The following PTCD2 variants were observed in gnomAD, a reference collection of about 807,000 sequenced individuals.
The protein encoded by PTCD2 is pentatricopeptide repeat-containing protein 2, mitochondrial.
A neutral mutation model predicts 42.6 loss-of-function variants in PTCD2; 31 were observed. That is an observed-to-expected ratio of 0.73 (90% CI 0.55 to 0.98). The LOEUF (loss-of-function observed/expected upper bound fraction) is 0.98. PTCD2 is among the 50% of genes least tolerant of loss of function. The pLI is 0.00. For synonymous variants in PTCD2, 183 were observed against 170.9 expected (o/e 1.07, Z -0.55); for missense variants, 476 against 454.8 (o/e 1.05, Z -0.42).
chr5:72,348,347 G>T (rs533432114), intron 8 of PTCD2, among the ~76,000 whole-genome samples: 1 of 152,294 alleles, frequency 6.6e-6, no homozygotes, highest in East Asian at 1.9e-4. Context: ...AGAAATCAAT[G>T]AAACTTTTTT....
At chr5:72,320,619 G>T in intron 1 of PTCD2, 110 bp downstream of exon 1, 11 of 1,487,478 alleles carry the variant, frequency 7.4e-6, no homozygotes, top group Non-Finnish European at 1.0e-5. Flanking sequence ...TCACTCACTG[G>T]CCTGGAGCGC....
rs1285229849 is a variant in PTCD2 at position 72,352,653 on chromosome 5, A to G, written c.841A>G (p.Ile281Val). ...TCTTAATATTCAGATTATAATCCAT[A>G]TCCAGTCAAATATGTTGGAAAACCT... ...ACINLNIIIH[I>V]QSNMLENLIK... The change falls in exon 9 of 10, where the codon ATC (isoleucine) becomes GTC (valine). Residue 281 changes from isoleucine (I) to valine (V), a missense_variant. By Grantham distance (29) the Ile-to-Val change is conservative. Transcript: ENST00000380639. 1 of 1,530,580 alleles carries G rather than the reference A, an allele frequency of 6.5e-7. No individual in the cohort carries two copies. Among genetic ancestry groups the G allele is most frequent in the South Asian group, 1.1e-5 (1 of 88,980 alleles). The allele number at this position is 1,530,580 out of a possible 1,614,324, so 94.8% of individuals were successfully genotyped here.
intron 8 of PTCD2, among the ~76,000 whole-genome samples, chr5:72,345,275 G>A (rs543471486): frequency 5.9e-5 from 9 of 152,224 alleles, no homozygotes; most frequent in South Asian, 4.1e-4. Flanking sequence ...GCTGTGTTCC[G>A]CCCAGCTCAC....
chr5:72,325,125 G>A (rs1273728465), intron 2 of PTCD2, among the ~76,000 whole-genome samples: 1 of 152,098 alleles, frequency 6.6e-6, no homozygotes, highest in Admixed American at 6.5e-5. Flanking sequence ...GTTTCACCAT[G>A]GTGGCGAGGC....
intron 8 of PTCD2, 42 bp from the exon 9 acceptor site, chr5:72,352,599 C>G (rs746192233): frequency 1.1e-6 from 1 of 943,554 alleles, no homozygotes; most frequent in Non-Finnish European, 1.7e-6. Flanking sequence ...CATTGAGACA[C>G]TCACTCAGTC....
rs573734294 is a variant in PTCD2, at chr5:72,354,021, A to G, written c.942+1267A>G. Among the ~76,000 whole-genome samples the G allele has an allele frequency of 7.2e-5, 11 of 152,248 alleles. No homozygotes were observed. The South Asian group carries it at 2.3e-3, about 32-fold the overall frequency. On this transcript the variant is annotated intron_variant, in intron 9 of 9. Transcript: ENST00000380639. ...TAAAAATGTTAAAACCTGTTTTTTC[A>G]TGTGGCAAAAAGTCTACAAGCAAAG... is the stretch of plus-strand genomic sequence containing the variant.
chr5:72,351,561 A>G (rs1369967349), intron 8 of PTCD2, among the ~76,000 whole-genome samples: 1 of 152,218 alleles, frequency 6.6e-6, no homozygotes, highest in African/African-American at 2.4e-5. Flanking sequence ...ATTGACTCAC[A>G]GTATCACATG....
In PTCD2 at chr5:72,362,427, T is replaced by G. The variant is rs560258330; in HGVS notation, c.*4000T>G. 1.1e-4 allele frequency: 16 copies of G among 152,336 alleles called. No homozygotes were observed. The highest frequency in any genetic ancestry group is 3.8e-4 in the African/African-American group (16 of 41,576). The allele number at this position is 152,336 out of a possible 1,614,324, so 9.4% of individuals were successfully genotyped here. A position where few individuals can be genotyped will look rare whatever the true frequency, so the allele number is the denominator to read the frequency against. On this transcript the variant is annotated 3_prime_UTR_variant, in exon 10 of 10. Transcript: ENST00000380639. ...TCTTGGATTTCCCAGCCTTCAGAAC[T>G]GTGAGAAATATATTTCTGTTATTTA...
chr5:72,329,378 G>A (rs1026332245), intron 3 of PTCD2, among the ~76,000 whole-genome samples: 34 of 152,188 alleles, frequency 2.2e-4, no homozygotes, highest in African/African-American at 7.5e-4. Context: ...AAAATGGGGA[G>A]CATCTTAATA....
At chr5:72,350,625 C>A (rs893444466) in intron 8 of PTCD2, among the ~76,000 whole-genome samples, 1 of 152,132 alleles carries the variant, frequency 6.6e-6, no homozygotes, top group Non-Finnish European at 1.5e-5. Context: ...AGGGTGTGCT[C>A]GTGATTTTGC....
chr5:72,352,082 G>A (rs940500779), intron 8 of PTCD2, among the ~76,000 whole-genome samples: 8 of 152,136 alleles, frequency 5.3e-5, no homozygotes, highest in Non-Finnish European at 8.8e-5. Flanking sequence ...ATTTCAGCCC[G>A]AGTATCCAGA....
intron 9 of PTCD2, 62 bp downstream of exon 9, chr5:72,352,816 C>A (rs1752686971): frequency 4.8e-6 from 4 of 841,636 alleles, no homozygotes; most frequent in South Asian, 3.3e-5. Context: ...AAAATGTCCA[C>A]TAATTTCTCA....
At chr5:72,328,101 G>T (rs1170701076) in intron 3 of PTCD2, among the ~76,000 whole-genome samples, 1 of 152,138 alleles carries the variant, frequency 6.6e-6, no homozygotes, top group African/African-American at 2.4e-5. Context: ...TGTTTCAGTT[G>T]TCTGTTGCTG....
chr5:72,336,921 G>A (rs1007271273), intron 6 of PTCD2, among the ~76,000 whole-genome samples: 4 of 152,010 alleles, frequency 2.6e-5, no homozygotes, highest in African/African-American at 7.3e-5. Flanking sequence ...AACATGAAGC[G>A]AAGTAGAAGA....
rs1416479387 is a variant in PTCD2, at chr5:72,367,207, G to A, written c.*8780G>A. ...TGCCCATCTCTAAGAATAGGTCAAA[G>A]ATGAAATTCCCATTATCATGAAACT... On this transcript the variant is annotated 3_prime_UTR_variant, in exon 10 of 10. Coordinates refer to ENST00000380639, the MANE Select transcript of PTCD2 (RefSeq NM_024754.5). The A allele has an allele frequency of 6.6e-6, 1 of 152,184 alleles. No individual in the cohort carries two copies. Among genetic ancestry groups the A allele is most frequent in the Non-Finnish European group, 1.5e-5 (1 of 68,034 alleles). 9.4% of individuals were successfully genotyped at this position (152,184 alleles called of 1,614,324 possible).
intron 9 of PTCD2, among the ~76,000 whole-genome samples, chr5:72,355,643 T>C (rs1752838749): frequency 6.6e-6 from 1 of 152,226 alleles, no homozygotes; most frequent in South Asian, 2.1e-4. Context: ...CATTGATGGC[T>C]TAAGTACACA....
rs1171070210 is a variant in PTCD2, at chr5:72,367,711, C to T, written c.*9284C>T. The T allele has an allele frequency of 6.6e-6, 1 of 152,242 alleles. No individual in the cohort carries two copies. Among genetic ancestry groups the T allele is most frequent in the African/African-American group, 2.4e-5 (1 of 41,458 alleles). The allele number at this position is 152,242 out of a possible 1,614,324, so 9.4% of individuals were successfully genotyped here. On this transcript the variant is annotated 3_prime_UTR_variant, in exon 10 of 10. Coordinates refer to ENST00000380639, the MANE Select transcript of PTCD2 (RefSeq NM_024754.5). The stretch of plus-strand genomic sequence containing the variant: ...GTGGCCAGAACTCAGTCTTTCTTTA[C>T]ATGCTGTGTTAAGCAGGCTTTTATC...
At position 72,358,356 on chromosome 5, in the gene PTCD2, T is replaced by G. The variant is rs370138190; in HGVS notation, c.1096T>G (p.Leu366Val). 3.0e-5 allele frequency: 49 copies of G among 1,613,890 alleles called. No individual in the cohort carries two copies. Among genetic ancestry groups the G allele is most frequent in the South Asian group, 1.8e-4 (16 of 91,084 alleles). The part of the protein sequence containing the change: ...HTPRDRKSHT[L>V]LLNKRMVSRR... ...CCCCAGGGACAGGAAATCTCACACG[T>G]TGCTATTAAACAAGAGGATGGTCAG... Residue 366 changes from leucine to valine, a missense_variant, in exon 10 of 10, where the codon TTG (leucine) becomes GTG (valine). Leu to Val is a conservative substitution (Grantham distance 32). Transcript: ENST00000380639.
At chr5:72,355,977 C>G (rs1752857207) in intron 9 of PTCD2, among the ~76,000 whole-genome samples, 1 of 152,184 alleles carries the variant, frequency 6.6e-6, no homozygotes, top group Non-Finnish European at 1.5e-5. Context: ...TTCCTCACTT[C>G]CACCCAAAGG....
Sources: allele counts gnomAD v4.1 joint callset (sites outside exome capture counted in the v4.1 genomes callset), GRCh38; gene constraint gnomAD v4.1.1; transcripts MANE v1.5; gene names NCBI Gene and HGNC (gene_info 2026-07-23, HGNC 2026-07-21).